CUX1: variants seen among roughly 807,000 people sequenced by gnomAD.
CUX1 encodes cut like homeobox 1.
CUX1 carries 31 observed loss-of-function variants against 158.8 expected under a neutral mutation model. That is an observed-to-expected ratio of 0.20 (90% CI 0.15 to 0.26). CUX1 has a LOEUF of 0.26. Among genes scored for constraint, CUX1 ranks in the 10% least tolerant of loss-of-function variants. CUX1 has a pLI of 1.00. For missense variants in CUX1, 1,589 were observed against 2,014.6 expected, an observed-to-expected ratio of 0.79 and a Z score of 4.04; for synonymous variants, 879 against 862.1, an observed-to-expected ratio of 1.02 and a Z score of -0.34.
chr7:101,901,949 C>T (rs1040887236), intron 1 of CUX1, among the ~76,000 whole-genome samples: 4 of 152,222 alleles, frequency 2.6e-5, no homozygotes, highest in Admixed American at 6.5e-5. Flanking sequence ...AAATTAAAGG[C>T]TTATTTCTGA....
chr7:101,948,947 A>G (rs1020341896), intron 2 of CUX1, among the ~76,000 whole-genome samples: 1 of 152,202 alleles, frequency 6.6e-6, no homozygotes, highest in Non-Finnish European at 1.5e-5. Flanking sequence ...CTGGTCTGCA[A>G]CAAGATAAGC....
At chr7:101,959,145 C>T (rs1326032625) in intron 2 of CUX1, among the ~76,000 whole-genome samples, 1 of 152,008 alleles carries the variant, frequency 6.6e-6, no homozygotes, top group Non-Finnish European at 1.5e-5. Flanking sequence ...TGAGCAACCA[C>T]GCCCAGCCTG....
chr7:102,255,746 CCATT>C lies in CUX1; in HGVS notation c.*6707_*6710del. 2.0e-6 allele frequency: 2 copies of C among 985,378 alleles called. No individual in the cohort carries two copies. The highest frequency in any genetic ancestry group is 2.4e-6 in the Non-Finnish European group (2 of 829,936). 61.0% of individuals were successfully genotyped at this position (985,378 alleles called of 1,614,324 possible). A position where few individuals can be genotyped will look rare whatever the true frequency, so the allele number is the denominator to read the frequency against. On this transcript the variant is annotated 3_prime_UTR_variant, in exon 24 of 24. Coordinates refer to ENST00000292535, the MANE Select transcript of CUX1 (RefSeq NM_181552.4). The stretch of plus-strand genomic sequence containing the variant: ...GGACTTCTGCTGGTGAAACAAGAGA[CCATT>C]CAGCAAGACACATTGAAGTGGCACG...
chr7:101,894,487 T>C (rs1162545234), intron 1 of CUX1, among the ~76,000 whole-genome samples: 2 of 152,150 alleles, frequency 1.3e-5, no homozygotes, highest in Admixed American at 1.3e-4. Context: ...ATTTTTTGTA[T>C]TTTTAGTAGA....
chr7:102,211,247 A>T (rs1796481119), intron 20 of CUX1, among the ~76,000 whole-genome samples: 1 of 151,604 alleles, frequency 6.6e-6, no homozygotes, highest in Non-Finnish European at 1.5e-5. Flanking sequence ...GAAGTTTGAG[A>T]CCAGCCTGGC....
At chr7:102,112,240 C>CTTTTTTTTTTTTTTTT (rs201695519) in intron 7 of CUX1, among the ~76,000 whole-genome samples, 2 of 131,410 alleles carry the variant, frequency 1.5e-5, no homozygotes, top group African/African-American at 5.7e-5. Context: ...CTTTCTCTCT[C>CTTTTTTTTTTTTTTTT]TCTTTTTTTT....
At chr7:101,899,050 G>A (rs1262922279) in intron 1 of CUX1, among the ~76,000 whole-genome samples, 1 of 152,260 alleles carries the variant, frequency 6.6e-6, no homozygotes, top group Non-Finnish European at 1.5e-5. Flanking sequence ...CTCGTGGGCA[G>A]AGAAGTGGCT....
chr7:101,917,019 C>T (rs372202416), intron 2 of CUX1, among the ~76,000 whole-genome samples: 38 of 152,270 alleles, frequency 2.5e-4, no homozygotes, highest in South Asian at 1.7e-3. Flanking sequence ...CCCGCGGGCT[C>T]GGACCCCAGC....
chr7:101,910,401 C>T lies in CUX1; in HGVS notation c.31-5714C>T, dbSNP rs114629271. 5.0e-3 allele frequency among the ~76,000 whole-genome samples: 761 copies of T among 152,190 alleles called. 12 individuals are homozygous for T. The highest frequency in any genetic ancestry group is 0.017 in the African/African-American group (720 of 41,574). On this transcript the variant is annotated intron_variant, in intron 1 of 23. Coordinates refer to ENST00000292535, the MANE Select transcript of CUX1 (RefSeq NM_181552.4). ...GCTCAAGCGATCTGCCTGCCTAGACCTCCCAAAGTGCTAGAATTACAGGCA... is the reference window on the plus strand; with the variant it reads ...GCTCAAGCGATCTGCCTGCCTAGACTTCCCAAAGTGCTAGAATTACAGGCA...
chr7:102,283,579 A>C, exon 23 of CUX1: 1 of 165,898 alleles, frequency 6.0e-6, no homozygotes, highest in Non-Finnish European at 1.3e-5. Context: ...TGCCTTTGCC[A>C]CCAGCCCCAC....
rs151031147 is a variant in CUX1 at position 102,242,491 on chromosome 7, G to A, written c.3887+2907G>A. The stretch of plus-strand genomic sequence containing the variant: ...CTCCCAAAGTTCTGGGATTACAGGC[G>A]TGAGCCACCACGCCTAGATGCCATC... On this transcript the variant is annotated intron_variant, in intron 23 of 23. Coordinates refer to ENST00000292535, the MANE Select transcript of CUX1 (RefSeq NM_181552.4). 6.5e-3 allele frequency among the ~76,000 whole-genome samples: 986 copies of A among 152,222 alleles called. 13 individuals are homozygous for A. Among genetic ancestry groups the A allele is most frequent in the African/African-American group, 0.023 (943 of 41,526 alleles).
chr7:102,147,654 G>C (rs1554502463), intron 8 of CUX1, among the ~76,000 whole-genome samples: 4 of 152,174 alleles, frequency 2.6e-5, no homozygotes, highest in Non-Finnish European at 5.9e-5. Flanking sequence ...GCCAGTGAAT[G>C]GCTGTCTGTC....
chr7:102,272,887 C>A (rs1613236), intron 14 of CUX1, among the ~76,000 whole-genome samples: 86,853 of 152,034 alleles, frequency 0.57, 24,853 homozygotes, highest in African/African-American at 0.62. Context: ...CCTACGCGCC[C>A]CACTGCACCC....
chr7:101,893,226 T>A (rs1170517304), intron 1 of CUX1, among the ~76,000 whole-genome samples: 1 of 141,524 alleles, frequency 7.1e-6, no homozygotes, highest in Non-Finnish European at 1.5e-5. Flanking sequence ...CAGGCTGGTC[T>A]CGAACTCCTG....
chr7:102,054,344 A>C (rs1388379678), intron 3 of CUX1, among the ~76,000 whole-genome samples: 2 of 152,170 alleles, frequency 1.3e-5, no homozygotes, highest in Admixed American at 6.5e-5. Context: ...ATATGGTGTG[A>C]GGTAGGGATC....
chr7:102,028,186 G>C (rs376238545), intron 3 of CUX1, 41 bp downstream of exon 3: 5 of 1,600,102 alleles, frequency 3.1e-6, no homozygotes, highest in Admixed American at 1.7e-5. Context: ...GCCACCCTTC[G>C]TGGCTAATTG....
chr7:102,104,527 A>G (rs1830133958), intron 6 of CUX1, 68 bp downstream of exon 6: 3 of 1,557,518 alleles, frequency 1.9e-6, no homozygotes, highest in Admixed American at 1.9e-5. Flanking sequence ...ATCATCAGAC[A>G]TGTTGATAAA....
chr7:102,016,607 G>A (rs529686125), intron 2 of CUX1, among the ~76,000 whole-genome samples: 14 of 152,150 alleles, frequency 9.2e-5, no homozygotes, highest in East Asian at 1.9e-4. Context: ...GCGAGACCTC[G>A]TTCCTTACAA....
rs191568629 is a variant in CUX1 at position 102,184,046 on chromosome 7, C to T, written c.1017+5389C>T. ...CCAAGTAGTCGGGACTACAGGCACA[C>T]GCCACCACACCCGGCGAATTTTTAT... is the stretch of plus-strand genomic sequence containing the variant. On this transcript the variant is annotated intron_variant, in intron 11 of 23. Transcript: ENST00000292535. Among the ~76,000 whole-genome samples the T allele has an allele frequency of 3.3e-4, 50 of 152,034 alleles. No individual in the cohort carries two copies. In the East Asian group the frequency reaches 7.9e-3, roughly 24 times the overall value.
Sources: allele counts gnomAD v4.1 joint callset (sites outside exome capture counted in the v4.1 genomes callset), GRCh38; gene constraint gnomAD v4.1.1; transcripts MANE v1.5; gene names NCBI Gene and HGNC (gene_info 2026-07-23, HGNC 2026-07-21).